RREB1: variants seen among roughly 807,000 people sequenced by gnomAD.
RREB1 encodes ras responsive element binding protein 1.
A neutral mutation model predicts 117.8 loss-of-function variants in RREB1; 27 were observed. The ratio of observed to expected loss-of-function variants is 0.23; its 90% confidence interval spans 0.17 to 0.32. The LOEUF is 0.32. Among genes scored for constraint, RREB1 ranks in the 10% least tolerant of loss-of-function variants. The probability of loss-of-function intolerance (pLI) is 1.00; values close to 1 mark genes in which losing one functional copy is unlikely to be tolerated. For synonymous variants in RREB1, 1,298 were observed against 1,026.7 expected, an observed-to-expected ratio of 1.26 and a Z score of -5.05; for missense variants, 2,577 against 2,378.2, an observed-to-expected ratio of 1.08 and a Z score of -1.74.
chr6:7,165,843 T>A (rs571035084), intron 1 of RREB1, among the ~76,000 whole-genome samples: 1 of 152,282 alleles, frequency 6.6e-6, no homozygotes, highest in South Asian at 2.1e-4. Context: ...TTTTCAGTTT[T>A]CCTTCCTGTT....
intron 1 of RREB1, among the ~76,000 whole-genome samples, chr6:7,121,649 G>A (rs767505183): frequency 1.3e-5 from 2 of 152,134 alleles, no homozygotes; most frequent in Non-Finnish European, 2.9e-5. Flanking sequence ...TTCACAAGGA[G>A]TGGAACCTGT....
intron 6 of RREB1, among the ~76,000 whole-genome samples, chr6:7,208,585 G>T (rs1766404878): frequency 6.6e-6 from 1 of 152,226 alleles, no homozygotes; most frequent in South Asian, 2.1e-4. Flanking sequence ...TGGGAGAACT[G>T]GAGTGAGCCG....
Position 7,231,583 on chromosome 6 carries a change from C to A in RREB1, c.3484C>A (p.Arg1162=), listed in dbSNP as rs1335871699. The change falls in exon 10 of 13, where the codon CGA becomes AGA. Residue 1162 remains arginine (R), a synonymous_variant. Transcript: ENST00000379938. ...KRGRKRGMRS[R]PRANSGGVDL... ...GGGCCGGAAAAGGGGGATGAGGAGCCGACCCCGCGCCAACAGCGGCGGGGT... is the reference window on the plus strand; with the variant it reads ...GGGCCGGAAAAGGGGGATGAGGAGCAGACCCCGCGCCAACAGCGGCGGGGT... The A allele has an allele frequency of 6.2e-7, 1 of 1,611,270 alleles. No homozygotes were observed. Among genetic ancestry groups the A allele is most frequent in the Admixed American group, 1.7e-5 (1 of 59,738 alleles).
At chr6:7,180,315 C>T (rs946288486) in intron 2 of RREB1, among the ~76,000 whole-genome samples, 3 of 152,120 alleles carry the variant, frequency 2.0e-5, no homozygotes, top group African/African-American at 7.2e-5. Context: ...TTCTCATATG[C>T]TAGGTCATAT....
intron 1 of RREB1, among the ~76,000 whole-genome samples, chr6:7,155,402 G>A (rs767165141): frequency 9.2e-5 from 14 of 152,218 alleles, no homozygotes; most frequent in Non-Finnish European, 1.3e-4. Flanking sequence ...CGTCTCCCGG[G>A]TTTAAGCGAT....
chr6:7,146,726 C>G (rs940598669), intron 1 of RREB1, among the ~76,000 whole-genome samples: 23 of 151,404 alleles, frequency 1.5e-4, no homozygotes, highest in African/African-American at 5.6e-4. Flanking sequence ...GAAGCAGACT[C>G]ACATAGGCTA....
intron 8 of RREB1, among the ~76,000 whole-genome samples, chr6:7,225,074 C>T (rs911705309): frequency 2.6e-5 from 4 of 152,192 alleles, no homozygotes; most frequent in African/African-American, 4.8e-5. Flanking sequence ...ACAGCTGCTT[C>T]GTGGCTGACT....
chr6:7,229,364 G>C lies in RREB1; in HGVS notation c.1265G>C (p.Gly422Ala). ...CCTTTCGAAGCTGCTTCCCTAGGCGGTTCTCTCACAGTTCTCCCCGCGACC... is the reference window on the plus strand; with the variant it reads ...CCTTTCGAAGCTGCTTCCCTAGGCGCTTCTCTCACAGTTCTCCCCGCGACC... ...LSPFEAASLG[G>A]SLTVLPATKD... The change falls in exon 10 of 13, where the codon GGT becomes GCT. Residue 422 changes from glycine (G) to alanine (A), a missense_variant. Gly to Ala is a moderately conservative substitution (Grantham distance 60). Coordinates refer to ENST00000379938, the MANE Select transcript of RREB1 (RefSeq NM_001003699.4). The surrounding 1 kb of genome is among the most constrained non-coding windows in gnomAD (Gnocchi z 4.5). 6.2e-7 allele frequency: 1 copy of C among 1,614,146 alleles called. No homozygotes were observed. Among genetic ancestry groups the C allele is most frequent in the Non-Finnish European group, 8.5e-7 (1 of 1,180,000 alleles).
At chr6:7,108,851 C>A (rs557108566) in intron 1 of RREB1, 1 of 151,928 alleles carries the variant, frequency 6.6e-6, no homozygotes, top group South Asian at 2.1e-4. Context: ...AGCCCCGCGC[C>A]CTCGCGGGTT....
At chr6:7,219,844 C>T (rs1767133814) in intron 8 of RREB1, among the ~76,000 whole-genome samples, 1 of 152,186 alleles carries the variant, frequency 6.6e-6, no homozygotes, top group Admixed American at 6.5e-5. Flanking sequence ...ACCTTATGAC[C>T]TGGGAGTCGT....
At chr6:7,207,438 C>CT (rs753531886) in intron 6 of RREB1, among the ~76,000 whole-genome samples, 1 of 152,178 alleles carries the variant, frequency 6.6e-6, no homozygotes, top group Non-Finnish European at 1.5e-5. Context: ...AAAAGATGCA[C>CT]TGCTCAGGTG....
At position 7,246,588 on chromosome 6, in the gene RREB1, G is replaced by C. The variant is rs1171600672; in HGVS notation, c.4138G>C (p.Glu1380Gln). The C allele has an allele frequency of 3.9e-6, 6 of 1,554,766 alleles. No individual in the cohort carries two copies. The highest frequency in any genetic ancestry group is 1.9e-5 in the Admixed American group (1 of 51,562). ...GGAAACGGCCTCGCCGGTGCACCGG[G>C]AAGAGCACGGGCGTGGGGAGAGCCA... is the stretch of plus-strand genomic sequence containing the variant. The part of the protein sequence containing the change: ...TAETASPVHR[E>Q]EHGRGESHEP... The change falls in exon 12 of 13, where the codon GAA (glutamate) becomes CAA (glutamine). Residue 1380 changes from glutamate (E) to glutamine (Q), a missense_variant. Physicochemically the swap from Glu to Gln is conservative, Grantham distance 29. Coordinates refer to ENST00000379938, the MANE Select transcript of RREB1 (RefSeq NM_001003699.4).
Position 7,112,126 on chromosome 6 carries a change from T to C in RREB1, c.-285+4066T>C, listed in dbSNP as rs912739992. On this transcript the variant is annotated intron_variant, in intron 1 of 12. Coordinates refer to ENST00000379938, the MANE Select transcript of RREB1 (RefSeq NM_001003699.4). ...GTTTATTCCGCCCAGTTCATAGCTA[T>C]CTTTTTAAAAATAATTATATTAGGT... 2.6e-5 allele frequency among the ~76,000 whole-genome samples: 4 copies of C among 152,224 alleles called. No individual in the cohort carries two copies. The East Asian group carries it at 7.7e-4, about 29-fold the overall frequency.
At position 7,221,631 on chromosome 6, in the gene RREB1, A is replaced by G. The variant is rs889212556; in HGVS notation, c.708-4836A>G. Among the ~76,000 whole-genome samples, 6 of 152,200 alleles carry G rather than the reference A, an allele frequency of 3.9e-5. 1 individual carries two copies. Among genetic ancestry groups the G allele is most frequent in the African/African-American group, 1.4e-4 (6 of 41,440 alleles). ...TCCATGAAAAGGGTGTGAAGTGTGG[A>G]TCACCTTGCTTAGACTCTGTTAGGA... is the stretch of plus-strand genomic sequence containing the variant. On this transcript the variant is annotated intron_variant, in intron 8 of 12. Coordinates refer to ENST00000379938, the MANE Select transcript of RREB1 (RefSeq NM_001003699.4).
intron 11 of RREB1, among the ~76,000 whole-genome samples, chr6:7,244,327 C>G (rs915930717): frequency 3.3e-5 from 5 of 151,670 alleles, no homozygotes; most frequent in Admixed American, 3.3e-4. Context: ...AACCTCAGCA[C>G]TTTGGGAGGC....
rs144915615 is a variant in RREB1, at chr6:7,211,584, C to T, written c.582C>T (p.Asp194=). ...DPAPAKKMVE[D]GQSGDLEKKA... ...TCCTTTTCCCTCAGATGGTAGAAGACGGGCAGTCAGGTGACTTGGAGAAGA... is the reference window on the plus strand; with the variant it reads ...TCCTTTTCCCTCAGATGGTAGAAGATGGGCAGTCAGGTGACTTGGAGAAGA... Residue 194 remains aspartate, a synonymous_variant, in exon 8 of 13, where the codon GAC becomes GAT. Coordinates refer to ENST00000379938, the MANE Select transcript of RREB1 (RefSeq NM_001003699.4). 201 of 1,614,040 alleles carry T rather than the reference C, an allele frequency of 1.2e-4. 1 individual carries two copies. In the African/African-American group the frequency reaches 2.4e-3, roughly 20 times the overall value.
At chr6:7,228,687 T>G (rs1449706155) in intron 9 of RREB1, among the ~76,000 whole-genome samples, 1 of 151,920 alleles carries the variant, frequency 6.6e-6, no homozygotes, top group Non-Finnish European at 1.5e-5. Flanking sequence ...TTATTTTTTT[T>G]TATAGAGACA....
Position 7,247,082 on chromosome 6 carries a change from C to T in RREB1, c.4632C>T (p.Ser1544=). The change falls in exon 12 of 13, where the codon AGC becomes AGT. Residue 1544 remains serine (S), a synonymous_variant. Transcript: ENST00000379938. ...CCGAGAAAAGGTCCTCAGAGAAGAG[C>T]GACGATGACAAGAAACCAAAGACAG... The part of the protein sequence containing the change: ...SAAEKRSSEK[S]DDDKKPKTDS... The T allele has an allele frequency of 6.2e-7, 1 of 1,613,694 alleles. No individual in the cohort carries two copies. The highest frequency in any genetic ancestry group is 8.5e-7 in the Non-Finnish European group (1 of 1,179,952).
rs1426300705 is a variant in RREB1, at chr6:7,231,462, C to T, written c.3363C>T (p.Thr1121=). ...CCACCGCCACCCCCGCTGCCACCAC[C>T]AGCCCAAAAGAGTCTAGTGAGCCTC... ...AATTATPAAT[T]SPKESSEPPA... Residue 1121 remains threonine, a synonymous_variant, in exon 10 of 13, where the codon ACC becomes ACT. Transcript: ENST00000379938. 1 of 1,613,252 alleles carries T rather than the reference C, an allele frequency of 6.2e-7. No homozygotes were observed. Among genetic ancestry groups the T allele is most frequent in the East Asian group, 2.2e-5 (1 of 44,850 alleles).
Sources: gnomAD v4.1 joint callset for allele counts (sites outside exome capture counted in the v4.1 genomes callset) on GRCh38, gnomAD v4.1.1 for gene constraint, Gnocchi (gnomAD v3.1) non-coding constraint, MANE v1.5 for transcripts, NCBI Gene and HGNC (gene_info 2026-07-23, HGNC 2026-07-21) for gene names.